TMEM117: variants seen among roughly 807,000 people sequenced by gnomAD.
TMEM117 encodes transmembrane protein 117.
TMEM117 carries 27 observed loss-of-function variants against 52.4 expected under a neutral mutation model. The observed-to-expected ratio is 0.51, with a 90% confidence interval of 0.38 to 0.71. The LOEUF (loss-of-function observed/expected upper bound fraction) is 0.71. Among genes scored for constraint, TMEM117 ranks in the 30% least tolerant of loss-of-function variants. The probability of loss-of-function intolerance (pLI) is 0.00; values close to 1 mark genes in which losing one functional copy is unlikely to be tolerated. For missense variants in TMEM117, 556 were observed against 630.5 expected (o/e 0.88, Z 1.26); for synonymous variants, 215 against 206.3 (o/e 1.04, Z -0.36).
chr12:44,055,006 G>C (rs1947032166), intron 3 of TMEM117, among the ~76,000 whole-genome samples: 1 of 152,006 alleles, frequency 6.6e-6, no homozygotes, highest in Non-Finnish European at 1.5e-5. Context: ...ACTCACCTCA[G>C]TGTTAATCCT....
At chr12:44,319,360 T>C (rs1225193054) in intron 6 of TMEM117, among the ~76,000 whole-genome samples, 2 of 152,130 alleles carry the variant, frequency 1.3e-5, no homozygotes, top group East Asian at 1.9e-4. Flanking sequence ...CAAAATGCTC[T>C]TTCTTGTCCT....
Position 44,185,011 on chromosome 12 carries a change from C to A in TMEM117, c.511-26279C>A, listed in dbSNP as rs117368668. On this transcript the variant is annotated intron_variant, in intron 4 of 7. Transcript: ENST00000266534. The stretch of plus-strand genomic sequence containing the variant: ...AGCCCTACTCAGTCTTTGAAATAAC[C>A]ATGTCACCTCTTTCAGGAAGCTTCC... 9.1e-3 allele frequency among the ~76,000 whole-genome samples: 1,382 copies of A among 152,214 alleles called. 8 individuals are homozygous for A. Among genetic ancestry groups the A allele is most frequent in the Middle Eastern group, 0.031 (9 of 294 alleles).
At chr12:43,829,974 G>T in the TMEM117 span, among the ~76,000 whole-genome samples, 51 of 151,846 alleles carry the variant, frequency 3.4e-4, no homozygotes, top group African/African-American at 1.2e-3. Context: ...GATAGTCCCA[G>T]CTACTCTGGA....
At chr12:44,267,765 G>T (rs1356355445) in intron 5 of TMEM117, among the ~76,000 whole-genome samples, 3 of 152,054 alleles carry the variant, frequency 2.0e-5, no homozygotes, top group Admixed American at 6.6e-5. Context: ...TGTAGTATTT[G>T]TCCTTTTGTG....
intron 4 of TMEM117, among the ~76,000 whole-genome samples, chr12:44,175,913 G>C (rs1225288243): frequency 2.6e-5 from 4 of 152,168 alleles, no homozygotes; most frequent in African/African-American, 7.2e-5. Flanking sequence ...TAGGAAGTCA[G>C]TTCAGTAGAT....
intron 3 of TMEM117, among the ~76,000 whole-genome samples, chr12:43,945,038 G>T: frequency 6.6e-6 from 1 of 151,904 alleles, no homozygotes; most frequent in East Asian, 1.9e-4. Flanking sequence ...TTGAACCCAG[G>T]AAGCGGAGGT....
chr12:43,993,126 G>C (rs1406260936), intron 3 of TMEM117, among the ~76,000 whole-genome samples: 3 of 152,188 alleles, frequency 2.0e-5, no homozygotes, highest in Non-Finnish European at 4.4e-5. Context: ...AAAGTCTTTT[G>C]CTTGGTCTTT....
At chr12:43,952,745 A>G (rs901948696) in intron 3 of TMEM117, among the ~76,000 whole-genome samples, 5 of 152,176 alleles carry the variant, frequency 3.3e-5, no homozygotes, top group Non-Finnish European at 7.3e-5. Context: ...GGAGAACTTC[A>G]CCAGCCTAGT....
chr12:44,062,932 G>A (rs904218358), intron 3 of TMEM117, among the ~76,000 whole-genome samples: 7 of 152,170 alleles, frequency 4.6e-5, no homozygotes, highest in Non-Finnish European at 7.4e-5. Flanking sequence ...TTTCTAAAAT[G>A]ACTTTAAGAT....
intron 4 of TMEM117, among the ~76,000 whole-genome samples, chr12:44,202,953 T>A (rs559119121): frequency 6.6e-6 from 1 of 152,046 alleles, no homozygotes; most frequent in Admixed American, 6.5e-5. Context: ...CACGCCTGGA[T>A]TTTTTTCTTT....
chr12:44,315,104 C>T (rs952516316), intron 6 of TMEM117, among the ~76,000 whole-genome samples: 1 of 152,014 alleles, frequency 6.6e-6, no homozygotes, highest in African/African-American at 2.4e-5. Flanking sequence ...TGTAATATCA[C>T]CTTTGTTGTT....
At chr12:44,095,300 G>T (rs1164262371) in intron 3 of TMEM117, among the ~76,000 whole-genome samples, 1 of 151,984 alleles carries the variant, frequency 6.6e-6, no homozygotes, top group Non-Finnish European at 1.5e-5. Flanking sequence ...TTGGCTTTTT[G>T]TATGTGGAAT....
intron 3 of TMEM117, among the ~76,000 whole-genome samples, chr12:44,044,923 G>A (rs1946857071): frequency 6.6e-6 from 1 of 152,248 alleles, no homozygotes; most frequent in Non-Finnish European, 1.5e-5. Context: ...AGCATGGTCA[G>A]GGACTGGGAA....
chr12:44,281,863 T>C (rs1950580831), intron 5 of TMEM117, among the ~76,000 whole-genome samples: 1 of 152,198 alleles, frequency 6.6e-6, no homozygotes, highest in Non-Finnish European at 1.5e-5. Context: ...TGCAGTAATA[T>C]TTTATGCCTG....
chr12:43,920,168 A>G (rs1409112881), intron 2 of TMEM117, among the ~76,000 whole-genome samples: 1 of 152,160 alleles, frequency 6.6e-6, no homozygotes, highest in Non-Finnish European at 1.5e-5. Flanking sequence ...ACTCAACAGG[A>G]TAACAGCTAC....
chr12:44,249,699 C>T (rs531035640), intron 5 of TMEM117, among the ~76,000 whole-genome samples: 1 of 152,262 alleles, frequency 6.6e-6, no homozygotes, highest in African/African-American at 2.4e-5. Context: ...ACATCTACAA[C>T]CATCTGATCT....
intron 6 of TMEM117, among the ~76,000 whole-genome samples, chr12:44,300,521 T>C (rs1028579062): frequency 1.3e-5 from 2 of 152,254 alleles, no homozygotes; most frequent in African/African-American, 2.4e-5. Context: ...CACTGTATTC[T>C]GAATTTATGT....
At chr12:44,107,442 C>G (rs1196630805) in intron 3 of TMEM117, among the ~76,000 whole-genome samples, 1 of 152,024 alleles carries the variant, frequency 6.6e-6, no homozygotes, top group Non-Finnish European at 1.5e-5. Flanking sequence ...TCACTTAGAA[C>G]CTAGACTCTT....
chr12:44,085,988 T>C (rs549814446), intron 3 of TMEM117, among the ~76,000 whole-genome samples: 13 of 152,250 alleles, frequency 8.5e-5, no homozygotes, highest in Non-Finnish European at 8.8e-5. Context: ...ATACAGAGAA[T>C]AGCACAGGGT....
Sources: gnomAD v4.1 joint callset for allele counts (sites outside exome capture counted in the v4.1 genomes callset) on GRCh38, gnomAD v4.1.1 for gene constraint, MANE v1.5 for transcripts, NCBI Gene and HGNC (gene_info 2026-07-23, HGNC 2026-07-21) for gene names.